The following WDFY3 variants were observed in gnomAD, a reference collection of about 807,000 sequenced individuals.
WDFY3 encodes WD repeat and FYVE domain-containing protein 3.
In WDFY3, 66 loss-of-function variants were observed where a neutral mutation model predicts 409.6. The ratio of observed to expected loss-of-function variants is 0.16; its 90% confidence interval spans 0.13 to 0.20. The LOEUF is 0.20. WDFY3 is among the 10% of genes least tolerant of loss of function. WDFY3 has a pLI of 1.00. For missense variants in WDFY3, 3,031 were observed against 4,298.1 expected, an observed-to-expected ratio of 0.71 and a Z score of 8.24; for synonymous variants, 1,521 against 1,537.1, an observed-to-expected ratio of 0.99 and a Z score of 0.25.
At position 84,864,555 on chromosome 4, in the gene WDFY3, A is replaced by G. The variant is rs140422552; in HGVS notation, c.-31-3933T>C. Among the ~76,000 whole-genome samples, 179 of 152,282 alleles carry G rather than the reference A, an allele frequency of 1.2e-3. 1 individual carries two copies. Among genetic ancestry groups the G allele is most frequent in the Non-Finnish European group, 2.1e-3 (144 of 68,022 alleles). ...ATGTCCTTCATCAATGCTTTATTAAAGTGTACAAGTCTTTCACTTCTTTGA... is the reference window on the plus strand; with the variant it reads ...ATGTCCTTCATCAATGCTTTATTAAGGTGTACAAGTCTTTCACTTCTTTGA... On this transcript the variant is annotated intron_variant, in intron 3 of 67. Coordinates refer to ENST00000295888, the MANE Select transcript of WDFY3 (RefSeq NM_014991.6).
chr4:84,841,317 G>A, intron 5 of WDFY3, 54 bp from the exon 6 acceptor site: 1 of 1,484,572 alleles, frequency 6.7e-7, no homozygotes, highest in Non-Finnish European at 9.2e-7. Context: ...ATATAAAGAG[G>A]TTCTTCTTTA....
At chr4:84,842,811 T>C (rs1042708059) in intron 5 of WDFY3, among the ~76,000 whole-genome samples, 1 of 152,306 alleles carries the variant, frequency 6.6e-6, no homozygotes, top group East Asian at 1.9e-4. Context: ...AACTAATGTA[T>C]ACTTAACACA....
chr4:84,781,587 A>C (rs1746533132), intron 25 of WDFY3, among the ~76,000 whole-genome samples: 1 of 152,042 alleles, frequency 6.6e-6, no homozygotes, highest in African/African-American at 2.4e-5. Context: ...TGGATTTTGA[A>C]AACTAGCTCC....
intron 32 of WDFY3, among the ~76,000 whole-genome samples, chr4:84,762,880 G>C (rs1198454552): frequency 6.6e-6 from 1 of 152,110 alleles, no homozygotes; most frequent in Admixed American, 6.6e-5. Flanking sequence ...AGGAGGCTGA[G>C]ATGGGAGGAC....
intron 5 of WDFY3, chr4:84,849,666 A>T: frequency 3.2e-6 from 1 of 315,656 alleles, no homozygotes; most frequent in Non-Finnish European, 5.7e-6. Context: ...AGTATTTTAA[A>T]GGGTTAGGGT....
intron 3 of WDFY3, among the ~76,000 whole-genome samples, chr4:84,866,737 G>A (rs993392688): frequency 5.3e-5 from 8 of 152,136 alleles, no homozygotes; most frequent in South Asian, 2.1e-4. Flanking sequence ...GTGCTTTCTC[G>A]CTTTAATAAA....
Position 84,695,953 on chromosome 4 carries a change from G to A in WDFY3, c.8901+17C>T, listed in dbSNP as rs1312829798. The A allele has an allele frequency of 1.2e-6, 2 of 1,609,428 alleles. No homozygotes were observed. Among genetic ancestry groups the A allele is most frequent in the Non-Finnish European group, 1.7e-6 (2 of 1,177,074 alleles). ...ATGAAACAGAGTACATCAATGACAA[G>A]AAAAAAACATCCATACCTGTTTAGG... On this transcript the variant is annotated intron_variant, in intron 58 of 67. Transcript: ENST00000295888.
intron 13 of WDFY3, among the ~76,000 whole-genome samples, chr4:84,812,803 G>A (rs1387067326): frequency 3.3e-5 from 5 of 152,058 alleles, no homozygotes; most frequent in African/African-American, 4.8e-5. Flanking sequence ...ACTGGTATCT[G>A]TTGTTGCTCT....
intron 53 of WDFY3, among the ~76,000 whole-genome samples, chr4:84,708,304 A>C (rs565045739): frequency 6.6e-6 from 1 of 152,352 alleles, no homozygotes; most frequent in East Asian, 1.9e-4. Context: ...CCTAACAAAC[A>C]CTTCAAACTA....
chr4:84,702,543 C>CAG, intron 55 of WDFY3, 37 bp from the exon 56 acceptor site: 1 of 1,503,170 alleles, frequency 6.7e-7, no homozygotes, highest in Non-Finnish European at 8.9e-7. Flanking sequence ...ATTAGAGAAC[C>CAG]GTTCCCACCT....
intron 16 of WDFY3, among the ~76,000 whole-genome samples, chr4:84,802,322 G>A (rs1049019969): frequency 6.8e-6 from 1 of 146,998 alleles, no homozygotes; most frequent in Non-Finnish European, 1.5e-5. Flanking sequence ...GTGTGATCTC[G>A]GCTCTCGGCT....
intron 5 of WDFY3, 38 bp downstream of exon 5, chr4:84,849,864 T>G: frequency 6.2e-7 from 1 of 1,604,292 alleles, no homozygotes; most frequent in Non-Finnish European, 8.5e-7. Flanking sequence ...GCTTGTTCAT[T>G]CAAACAAATC....
intron 5 of WDFY3, among the ~76,000 whole-genome samples, chr4:84,847,129 G>T (rs1022075966): frequency 6.6e-6 from 1 of 151,970 alleles, no homozygotes; most frequent in African/African-American, 2.4e-5. Flanking sequence ...AAAGCTTGAG[G>T]TCTCCAAACC....
At chr4:84,810,655 AAAGT>A (rs1034916950) in intron 13 of WDFY3, among the ~76,000 whole-genome samples, 4 of 152,208 alleles carry the variant, frequency 2.6e-5, no homozygotes, top group Non-Finnish European at 5.9e-5. Context: ...GTGACTTTAC[AAAGT>A]AAGTAAAATA....
chr4:84,923,825 C>A (rs1244647040), intron 2 of WDFY3, among the ~76,000 whole-genome samples: 2 of 152,100 alleles, frequency 1.3e-5, no homozygotes, highest in African/African-American at 4.8e-5. Context: ...ATGGTGAAAA[C>A]CCTTCTCTAC....
chr4:84,959,618 T>TG (rs913427019), intron 1 of WDFY3, among the ~76,000 whole-genome samples: 1 of 152,156 alleles, frequency 6.6e-6, no homozygotes, highest in African/African-American at 2.4e-5. Flanking sequence ...ACAGAACAGG[T>TG]GCTAACAGCA....
In WDFY3 at chr4:84,830,520, G is replaced by A. The variant is rs77251047; in HGVS notation, c.769+893C>T. Among the ~76,000 whole-genome samples, 10 of 152,274 alleles carry A rather than the reference G, an allele frequency of 6.6e-5. No individual in the cohort carries two copies. In the East Asian group the frequency reaches 1.9e-3, roughly 29 times the overall value. ...TCGACTTACACTATTTTCAAATTATGATGGGTTTATTGGGACATAACCCCA... is the reference window on the plus strand; with the variant it reads ...TCGACTTACACTATTTTCAAATTATAATGGGTTTATTGGGACATAACCCCA... On this transcript the variant is annotated intron_variant, in intron 8 of 67. Coordinates refer to ENST00000295888, the MANE Select transcript of WDFY3 (RefSeq NM_014991.6).
intron 27 of WDFY3, among the ~76,000 whole-genome samples, chr4:84,775,609 T>C (rs1174547260): frequency 6.6e-6 from 1 of 151,748 alleles, no homozygotes; most frequent in Non-Finnish European, 1.5e-5. Flanking sequence ...ATGACCAGAT[T>C]TAGTGTATGA....
rs745993636 is a variant in WDFY3 at position 84,751,132 on chromosome 4, T to C, written c.5973+351A>G. On this transcript the variant is annotated intron_variant, in intron 36 of 67. Coordinates refer to ENST00000295888, the MANE Select transcript of WDFY3 (RefSeq NM_014991.6). ...ACTGCCATGCTCATTCTCTTACGTA[T>C]TGTCCATGGCTGCTTTCTAGCTACA... The C allele has an allele frequency of 1.6e-5, 5 of 314,790 alleles. No individual in the cohort carries two copies. In the Admixed American group the frequency reaches 2.2e-4, roughly 14 times the overall value. The allele number at this position is 314,790 out of a possible 1,614,324, so 19.5% of individuals were successfully genotyped here.
Sources: allele counts gnomAD v4.1 joint callset (sites outside exome capture counted in the v4.1 genomes callset), GRCh38; gene constraint gnomAD v4.1.1; transcripts MANE v1.5; gene names NCBI Gene and HGNC (gene_info 2026-07-23, HGNC 2026-07-21).